The following TMEM132A variants were observed in gnomAD, a reference collection of about 807,000 sequenced individuals.
TMEM132A encodes the protein transmembrane protein 132A.
A neutral mutation model predicts 69.9 loss-of-function variants in TMEM132A; 48 were observed. That is an observed-to-expected ratio of 0.69 (90% CI 0.55 to 0.87). The LOEUF (loss-of-function observed/expected upper bound fraction) is 0.87. Among genes scored for constraint, TMEM132A ranks in the 40% least tolerant of loss-of-function variants. The pLI is 0.00. For missense variants in TMEM132A, 1,287 were observed against 1,407.2 expected (o/e 0.91, Z 1.37); for synonymous variants, 577 against 613.7 (o/e 0.94, Z 0.88).
At chr11:60,930,161 G>A (rs1334742519) in intron 4 of TMEM132A, among the ~76,000 whole-genome samples, 6 of 152,326 alleles carry the variant, frequency 3.9e-5, no homozygotes, top group Middle Eastern at 3.4e-3. Flanking sequence ...TTGGAGTCAC[G>A]AATGGGTGCC....
chr11:60,936,350 G>C lies in TMEM132A; in HGVS notation c.2515G>C (p.Ala839Pro). 6.2e-7 allele frequency: 1 copy of C among 1,614,158 alleles called. No homozygotes were observed. Among genetic ancestry groups the C allele is most frequent in the Non-Finnish European group, 8.5e-7 (1 of 1,179,994 alleles). ...EEEEEEEMVP[A>P]PQHVTELELG... ...GGAAGAGGAGGAGGAGATGGTCCCT[G>C]CCCCTCAGCATGTCACTGAGCTAGA... The change falls in exon 11 of 11, where the codon GCC becomes CCC. Residue 839 changes from alanine (A) to proline (P), a missense_variant. Ala to Pro is a conservative substitution (Grantham distance 27, BLOSUM62 -1). Coordinates refer to ENST00000453848, the MANE Select transcript of TMEM132A (RefSeq NM_178031.3).
At chr11:60,930,705 T>C (rs1856460764) in intron 5 of TMEM132A, 46 bp downstream of exon 5, 1 of 1,561,338 alleles carries the variant, frequency 6.4e-7, no homozygotes, top group East Asian at 2.3e-5. Flanking sequence ...GGAGGGCTGG[T>C]TATAGAGTGC....
intron 5 of TMEM132A, among the ~76,000 whole-genome samples, chr11:60,931,337 G>C (rs1856476012): frequency 6.6e-6 from 1 of 152,258 alleles, no homozygotes; most frequent in Non-Finnish European, 1.5e-5. Flanking sequence ...CCTGGGACCT[G>C]GAAGTGAATC....
intron 8 of TMEM132A, 110 bp from the exon 9 acceptor site, chr11:60,934,378 C>A: frequency 2.0e-6 from 2 of 1,015,300 alleles, no homozygotes; most frequent in African/African-American, 1.7e-5. Context: ...ACAGGAGCTG[C>A]TGGTGATTAG....
Position 60,924,566 on chromosome 11 carries a change from G to A in TMEM132A, c.-68G>A. On this transcript the variant is annotated 5_prime_UTR_variant, in exon 1 of 11. Coordinates refer to ENST00000453848, the MANE Select transcript of TMEM132A (RefSeq NM_178031.3). ...CAGGTGGGGACGGCGCGGAGCGGGT[G>A]CGGGAGATGCCGTGCGGGACTGGGG... 1 of 1,323,272 alleles carries A rather than the reference G, an allele frequency of 7.6e-7. No individual in the cohort carries two copies. The highest frequency in any genetic ancestry group is 1.0e-6 in the Non-Finnish European group (1 of 974,960). The allele number at this position is 1,323,272 out of a possible 1,614,324, so 82.0% of individuals were successfully genotyped here.
Position 60,932,020 on chromosome 11 carries a change from G to A in TMEM132A, c.1249G>A (p.Val417Met), listed in dbSNP as rs773470242. ...GGTGAATACAGCACCACTGACTGGA[G>A]TGCCCCAGCATGTCCCCGTGCGCCT... is the stretch of plus-strand genomic sequence containing the variant. ...ELVNTAPLTG[V>M]PQHVPVRLVT... Residue 417 changes from valine (V) to methionine (M), a missense_variant, in exon 7 of 11, where the codon GTG becomes ATG. Physicochemically the swap from Val to Met is conservative, Grantham distance 21. Coordinates refer to ENST00000453848, the MANE Select transcript of TMEM132A (RefSeq NM_178031.3). The A allele has an allele frequency of 1.2e-5, 19 of 1,601,604 alleles. No individual in the cohort carries two copies. The highest frequency in any genetic ancestry group is 1.5e-5 in the Non-Finnish European group (18 of 1,174,162).
chr11:60,929,754 C>T (rs775888024), intron 4 of TMEM132A, among the ~76,000 whole-genome samples: 5 of 152,250 alleles, frequency 3.3e-5, no homozygotes, highest in African/African-American at 4.8e-5. Context: ...GTGCATGTCC[C>T]GTCTCTGTGT....
intron 4 of TMEM132A, 94 bp from the exon 5 acceptor site, chr11:60,930,416 G>T (rs921451504): frequency 2.8e-6 from 4 of 1,410,376 alleles, no homozygotes; most frequent in South Asian, 1.4e-5. Flanking sequence ...GAGCCAGGGA[G>T]GTCAGATGGC....
rs767492710 is a variant in TMEM132A at position 60,927,225 on chromosome 11, T to G, written c.122T>G (p.Leu41Arg). Reference protein sequence around the residue: ...VVRVDCGQAPLDPVYLPAALE... With the variant: ...VVRVDCGQAPRDPVYLPAALE... ...TCAGTGGACTGTGGCCAGGCTCCCCTGGACCCTGTCTACCTGCCGGCAGCC... is the reference window on the plus strand; with the variant it reads ...TCAGTGGACTGTGGCCAGGCTCCCCGGGACCCTGTCTACCTGCCGGCAGCC... Residue 41 changes from leucine (L) to arginine (R), a missense_variant, in exon 2 of 11, where the codon CTG (leucine) becomes CGG (arginine). Physicochemically the swap from Leu to Arg is moderately radical, Grantham distance 102 (BLOSUM62 -2). Coordinates refer to ENST00000453848, the MANE Select transcript of TMEM132A (RefSeq NM_178031.3). 1 of 1,613,360 alleles carries G rather than the reference T, an allele frequency of 6.2e-7. No homozygotes were observed. The highest frequency in any genetic ancestry group is 8.5e-7 in the Non-Finnish European group (1 of 1,179,932).
In TMEM132A at chr11:60,927,598, T is replaced by G. The variant is rs756662250; in HGVS notation, c.316-43T>G. 7 of 1,556,702 alleles carry G rather than the reference T, an allele frequency of 4.5e-6. No individual in the cohort carries two copies. The African/African-American group carries it at 9.5e-5, about 21-fold the overall frequency. ...GATCCCATCTTCCTAGATCTTCCCC[T>G]CCCAAGCTCCTCTTTTGTTAAGCCC... On this transcript the variant is annotated intron_variant, in intron 2 of 10. Coordinates refer to ENST00000453848, the MANE Select transcript of TMEM132A (RefSeq NM_178031.3).
intron 4 of TMEM132A, among the ~76,000 whole-genome samples, chr11:60,929,890 C>G (rs1856438739): frequency 2.5e-5 from 1 of 40,730 alleles, no homozygotes; most frequent in Admixed American, 4.0e-4. Context: ...CAGTCCCTAT[C>G]TGGCAGAAAG....
rs1262874827 is a variant in TMEM132A, at chr11:60,933,802, G to A, written c.1559+58G>A. The A allele has an allele frequency of 2.0e-6, 3 of 1,471,740 alleles. No individual in the cohort carries two copies. In the African/African-American group the frequency reaches 4.2e-5, roughly 21 times the overall value. The allele number at this position is 1,471,740 out of a possible 1,614,324, so 91.2% of individuals were successfully genotyped here. On this transcript the variant is annotated intron_variant, in intron 8 of 10. Transcript: ENST00000453848. ...TGGCGAGTCACACTGGGACGGAGAG[G>A]GCGCAGGGGACACAGCCATGGGCCC...
Position 60,935,863 on chromosome 11 carries a change from G to A in TMEM132A, c.2029-1G>A, listed in dbSNP as rs1354822814. On this transcript the variant is annotated splice_acceptor_variant, in intron 10 of 10. Transcript: ENST00000453848. LOFTEE classifies it high-confidence loss of function. The surrounding 1 kb of genome is among the most constrained non-coding windows in gnomAD (Gnocchi z 5.0). ...TCTGCCTGTGTCTGTGTGCCCCACA[G>A]GAGGTGGCCCTCTCCCTATGGCTGT... The A allele has an allele frequency of 1.2e-6, 2 of 1,611,462 alleles. No individual in the cohort carries two copies. Among genetic ancestry groups the A allele is most frequent in the Middle Eastern group, 2.2e-4 (1 of 4,446 alleles).
intron 4 of TMEM132A, 79 bp downstream of exon 4, chr11:60,929,039 G>A (rs1856418717): frequency 7.0e-7 from 1 of 1,437,144 alleles, no homozygotes; most frequent in South Asian, 1.2e-5. Flanking sequence ...CTCCTCCTGG[G>A]GTCCTTGCTG....
At chr11:60,931,620 G>T (rs1458329576) in intron 5 of TMEM132A, 69 bp from the exon 6 acceptor site, 2 of 1,457,888 alleles carry the variant, frequency 1.4e-6, no homozygotes, top group East Asian at 4.6e-5. Context: ...AATCATGAAT[G>T]CAGGAAGTGC....
At chr11:60,931,164 A>G (rs1856472403) in intron 5 of TMEM132A, among the ~76,000 whole-genome samples, 1 of 152,222 alleles carries the variant, frequency 6.6e-6, no homozygotes, top group African/African-American at 2.4e-5. Context: ...TCCCCTACCC[A>G]AGCCTCAGTT....
chr11:60,935,568 C>T lies in TMEM132A; in HGVS notation c.2028+125C>T. On this transcript the variant is annotated intron_variant, in intron 10 of 10. Coordinates refer to ENST00000453848, the MANE Select transcript of TMEM132A (RefSeq NM_178031.3). The surrounding 1 kb of genome is among the most constrained non-coding windows in gnomAD (Gnocchi z 5.0). ...AGGGTTTTCAGAGTGAGGACTGACT[C>T]TGTGAGGTAGTGAGCTCTCTGCAGC... is the stretch of plus-strand genomic sequence containing the variant. The T allele has an allele frequency of 9.5e-7, 1 of 1,057,660 alleles. No homozygotes were observed. Among genetic ancestry groups the T allele is most frequent in the African/African-American group, 1.6e-5 (1 of 62,866 alleles). 65.5% of individuals were successfully genotyped at this position (1,057,660 alleles called of 1,614,324 possible). A position where few individuals can be genotyped will look rare whatever the true frequency, so the allele number is the denominator to read the frequency against.
chr11:60,928,995 G>GA (rs1856417599), intron 4 of TMEM132A, 35 bp downstream of exon 4: 1 of 1,604,878 alleles, frequency 6.2e-7, no homozygotes, highest in Non-Finnish European at 8.5e-7. Context: ...GTGAGGGTGG[G>GA]AACCTCTGTG....
At position 60,936,950 on chromosome 11, in the gene TMEM132A, G is replaced by A. The variant is rs547898892; in HGVS notation, c.*43G>A. The A allele has an allele frequency of 1.4e-6, 2 of 1,479,876 alleles. No homozygotes were observed. The highest frequency in any genetic ancestry group is 2.3e-4 in the Middle Eastern group (1 of 4,302). The allele number at this position is 1,479,876 out of a possible 1,614,324, so 91.7% of individuals were successfully genotyped here. A position where few individuals can be genotyped will look rare whatever the true frequency, so the allele number is the denominator to read the frequency against. On this transcript the variant is annotated 3_prime_UTR_variant, in exon 11 of 11. Coordinates refer to ENST00000453848, the MANE Select transcript of TMEM132A (RefSeq NM_178031.3). ...GTCAGCCACCAGCTGGGGCAACGAG[G>A]GTGGAGGTCCCACTGAGCCTCTCGC... is the stretch of plus-strand genomic sequence containing the variant.
Sources: allele counts gnomAD v4.1 joint callset (sites outside exome capture counted in the v4.1 genomes callset), GRCh38; gene constraint gnomAD v4.1.1; non-coding constraint Gnocchi (gnomAD v3.1); transcripts MANE v1.5; gene names NCBI Gene and HGNC (gene_info 2026-07-23, HGNC 2026-07-21).